Variants in NELL1 observed in about 807,000 individuals in gnomAD.
The protein encoded by NELL1 is neural EGFL like 1, also known as protein kinase C-binding protein NELL1.
In NELL1, 76 loss-of-function variants were observed where a neutral mutation model predicts 107.4. That is an observed-to-expected ratio of 0.71 (90% confidence interval 0.59 to 0.86). The LOEUF is 0.86. Ranked by LOEUF, NELL1 falls within the 40% of genes least tolerant of loss-of-function variation. The pLI is 0.00. For synonymous variants in NELL1, 353 were observed against 341.2 expected (o/e 1.03, Z -0.38); for missense variants, 1,024 against 1,005.5 (o/e 1.02, Z -0.25).
At chr11:20,838,097 T>G (rs1320156593) in intron 3 of NELL1, among the ~76,000 whole-genome samples, 1 of 151,896 alleles carries the variant, frequency 6.6e-6, no homozygotes, top group Non-Finnish European at 1.5e-5. Flanking sequence ...TGTCATGTAG[T>G]AGAATGCATT....
intron 15 of NELL1, among the ~76,000 whole-genome samples, chr11:21,493,720 T>C (rs576954124): frequency 2.0e-5 from 3 of 152,130 alleles, no homozygotes; most frequent in African/African-American, 7.2e-5. Flanking sequence ...AAGAATGTAT[T>C]ATGTATTTAA....
intron 17 of NELL1, 126 bp from the exon 18 acceptor site, chr11:21,570,638 C>A: frequency 1.4e-6 from 1 of 715,906 alleles, no homozygotes; most frequent in Non-Finnish European, 2.2e-6. Flanking sequence ...CACATGTGTG[C>A]TTCAGTTTTG....
intron 4 of NELL1, among the ~76,000 whole-genome samples, chr11:20,849,110 C>A (rs6483728): frequency 0.79 from 120,357 of 151,972 alleles, 49,673 homozygotes; most frequent in Non-Finnish European, 0.93. Context: ...GTGGCCTGTC[C>A]GGCAACACTC....
chr11:21,018,992 CCTAT>C (rs1215146999), intron 12 of NELL1, among the ~76,000 whole-genome samples: 1 of 152,070 alleles, frequency 6.6e-6, no homozygotes, highest in African/African-American at 2.4e-5. Context: ...GAAGTTTTCG[CCTAT>C]CTTTCTGCTT....
At chr11:20,996,487 C>G (rs994227549) in intron 12 of NELL1, among the ~76,000 whole-genome samples, 20 of 152,174 alleles carry the variant, frequency 1.3e-4, no homozygotes, top group Non-Finnish European at 2.4e-4. Flanking sequence ...GACCTAATTT[C>G]AGCTTCCATT....
chr11:21,283,066 T>G (rs1849034028), intron 14 of NELL1, among the ~76,000 whole-genome samples: 1 of 152,046 alleles, frequency 6.6e-6, no homozygotes, highest in Non-Finnish European at 1.5e-5. Context: ...GGATGGTTAA[T>G]GGGTACAAAA....
At chr11:21,203,999 C>G (rs1472896069) in intron 13 of NELL1, among the ~76,000 whole-genome samples, 1 of 152,154 alleles carries the variant, frequency 6.6e-6, no homozygotes, top group African/African-American at 2.4e-5. Context: ...TGATGGGCTT[C>G]CCTTTGTGGG....
chr11:20,797,596 G>T (rs1590303956), intron 3 of NELL1, among the ~76,000 whole-genome samples: 2 of 149,098 alleles, frequency 1.3e-5, no homozygotes, highest in African/African-American at 2.5e-5. Context: ...AAGACAGGAG[G>T]TTGCTGCAGT....
chr11:21,128,177 C>T (rs921280775), intron 13 of NELL1, among the ~76,000 whole-genome samples: 4 of 152,054 alleles, frequency 2.6e-5, no homozygotes, highest in African/African-American at 9.7e-5. Context: ...TAATAAATAT[C>T]GTGATGTTTT....
intron 12 of NELL1, among the ~76,000 whole-genome samples, chr11:20,990,437 T>C (rs1217474874): frequency 6.6e-6 from 1 of 152,244 alleles, no homozygotes; most frequent in Non-Finnish European, 1.5e-5. Flanking sequence ...AAAACATACA[T>C]TCTTGACATG....
At chr11:20,761,420 G>A (rs1299648821) in intron 2 of NELL1, among the ~76,000 whole-genome samples, 4 of 152,176 alleles carry the variant, frequency 2.6e-5, no homozygotes, top group African/African-American at 4.8e-5. Flanking sequence ...AGTTACCAGT[G>A]TGCATCTGCA....
At chr11:20,872,671 GGTGTGTGTGTGT>G (rs61184129) in intron 4 of NELL1, among the ~76,000 whole-genome samples, 137 of 137,178 alleles carry the variant, frequency 1.0e-3, no homozygotes, top group African/African-American at 3.3e-3. Context: ...CAGTGTTTGA[GGTGTGTGTGTGT>G]GTGTGTGTGT....
intron 14 of NELL1, among the ~76,000 whole-genome samples, chr11:21,252,027 T>C (rs1858651562): frequency 6.6e-6 from 1 of 152,162 alleles, no homozygotes; most frequent in Non-Finnish European, 1.5e-5. Flanking sequence ...ATGGAGTGTT[T>C]ACACGCAAGA....
At chr11:20,694,414 C>G (rs1191498850) in intron 2 of NELL1, among the ~76,000 whole-genome samples, 2 of 152,076 alleles carry the variant, frequency 1.3e-5, no homozygotes, top group African/African-American at 4.8e-5. Context: ...ATATTTAAAT[C>G]TTTAATCCAT....
chr11:20,903,386 A>G (rs78498861), intron 5 of NELL1, among the ~76,000 whole-genome samples: 344 of 152,240 alleles, frequency 2.3e-3, no homozygotes, highest in African/African-American at 7.8e-3. Flanking sequence ...AAAGACATTA[A>G]AATCATATTA....
chr11:20,726,189 T>C (rs1232957920), intron 2 of NELL1, among the ~76,000 whole-genome samples: 1 of 152,238 alleles, frequency 6.6e-6, no homozygotes, highest in African/African-American at 2.4e-5. Context: ...CCATTGGGAA[T>C]AGCACTGTGA....
At chr11:20,767,409 T>G (rs1032037715) in intron 2 of NELL1, among the ~76,000 whole-genome samples, 3 of 152,218 alleles carry the variant, frequency 2.0e-5, no homozygotes, top group African/African-American at 7.2e-5. Context: ...AGAGTGCTGA[T>G]GGTTGTGTTT....
intron 13 of NELL1, among the ~76,000 whole-genome samples, chr11:21,195,847 A>C (rs1221708174): frequency 6.6e-6 from 1 of 152,188 alleles, no homozygotes; most frequent in Non-Finnish European, 1.5e-5. Flanking sequence ...CCGAGCACCG[A>C]AGCAAGGGCT....
At chr11:21,306,372 A>G (rs1849604758) in intron 14 of NELL1, among the ~76,000 whole-genome samples, 1 of 152,020 alleles carries the variant, frequency 6.6e-6, no homozygotes, top group South Asian at 2.1e-4. Context: ...AGTAGAGCTG[A>G]AAATAAAAGA....
Sources: allele counts gnomAD v4.1 joint callset (sites outside exome capture counted in the v4.1 genomes callset), GRCh38; gene constraint gnomAD v4.1.1; transcripts MANE v1.5; gene names NCBI Gene and HGNC (gene_info 2026-07-23, HGNC 2026-07-21).